Variants in MAGI2 observed in about 807,000 individuals in gnomAD.
MAGI2 encodes membrane-associated guanylate kinase, WW and PDZ domain-containing protein 2.
In MAGI2, 35 loss-of-function variants were observed where a neutral mutation model predicts 133.3. That is an observed-to-expected ratio of 0.26 (90% confidence interval 0.20 to 0.35). The LOEUF is 0.35. MAGI2 is among the 10% of genes least tolerant of loss of function. MAGI2 has a pLI of 1.00. For missense variants in MAGI2, 1,636 were observed against 1,863.4 expected (o/e 0.88, Z 2.25); for synonymous variants, 729 against 710.6 (o/e 1.03, Z -0.41).
At chr7:79,372,907 G>C (rs1843140937) in intron 1 of MAGI2, among the ~76,000 whole-genome samples, 1 of 151,884 alleles carries the variant, frequency 6.6e-6, no homozygotes, top group Non-Finnish European at 1.5e-5. Flanking sequence ...TCTGCTTTGG[G>C]GGAGTTCAGA....
chr7:79,312,719 C>T (rs1838383991), intron 1 of MAGI2, among the ~76,000 whole-genome samples: 1 of 152,088 alleles, frequency 6.6e-6, no homozygotes, highest in African/African-American at 2.4e-5. Flanking sequence ...AGTGTGCATA[C>T]AAAAAATAGT....
intron 6 of MAGI2, among the ~76,000 whole-genome samples, chr7:78,458,274 G>A (rs1478608067): frequency 7.9e-6 from 1 of 127,292 alleles, no homozygotes; most frequent in Non-Finnish European, 1.6e-5. Context: ...CCAGCCTGGA[G>A]ACAGGGCAAA....
chr7:78,701,991 A>G (rs896793637), intron 2 of MAGI2, among the ~76,000 whole-genome samples: 2 of 151,990 alleles, frequency 1.3e-5, no homozygotes, highest in Non-Finnish European at 2.9e-5. Flanking sequence ...ATGAATTCTC[A>G]TAATTCTAGA....
intron 3 of MAGI2, among the ~76,000 whole-genome samples, chr7:78,542,694 G>A (rs1168005200): frequency 4.6e-5 from 7 of 152,138 alleles, no homozygotes; most frequent in Non-Finnish European, 8.8e-5. Flanking sequence ...GAAACCTAAC[G>A]TGACTGAAGC....
chr7:78,646,883 T>C (rs1220207343), intron 2 of MAGI2, among the ~76,000 whole-genome samples: 1 of 152,206 alleles, frequency 6.6e-6, no homozygotes, highest in Non-Finnish European at 1.5e-5. Flanking sequence ...TTTCTTAGAA[T>C]CTTACACTCT....
intron 3 of MAGI2, among the ~76,000 whole-genome samples, chr7:78,548,900 T>C (rs1029797290): frequency 2.0e-5 from 3 of 152,216 alleles, no homozygotes; most frequent in Non-Finnish European, 4.4e-5. Context: ...AATTCACTTA[T>C]GGTTGAATTT....
intron 9 of MAGI2, among the ~76,000 whole-genome samples, chr7:78,312,119 C>T (rs138078651): frequency 5.9e-5 from 9 of 152,026 alleles, no homozygotes; most frequent in East Asian, 3.9e-4. Context: ...AATCTAAATA[C>T]GATTTTACAT....
At chr7:78,723,677 T>C (rs891035731) in intron 2 of MAGI2, among the ~76,000 whole-genome samples, 6 of 151,898 alleles carry the variant, frequency 4.0e-5, no homozygotes, top group African/African-American at 1.5e-4. Context: ...ATAAGAAAAT[T>C]AGAGAGTAAC....
At chr7:78,942,649 A>G (rs1801081995) in intron 2 of MAGI2, among the ~76,000 whole-genome samples, 1 of 152,108 alleles carries the variant, frequency 6.6e-6, no homozygotes, top group African/African-American at 2.4e-5. Context: ...TCTAGCAAAA[A>G]CTGGAAACTC....
chr7:79,166,645 G>T (rs1824947430), intron 1 of MAGI2, among the ~76,000 whole-genome samples: 1 of 152,040 alleles, frequency 6.6e-6, no homozygotes, highest in Admixed American at 6.6e-5. Flanking sequence ...ATTCCACAAT[G>T]TCTCCATTAA....
intron 3 of MAGI2, among the ~76,000 whole-genome samples, chr7:78,624,422 T>C (rs186279985): frequency 6.6e-6 from 1 of 152,182 alleles, no homozygotes; most frequent in African/African-American, 2.4e-5. Context: ...AAAGACTGGA[T>C]AAAGAAAATG....
chr7:78,455,611 A>G lies in MAGI2; in HGVS notation c.1045+34150T>C, dbSNP rs185664952. On this transcript the variant is annotated intron_variant, in intron 6 of 21. Transcript: ENST00000354212. ...ATTTTAATGAAAATAAAAATATATT[A>G]TGCAGAGCACATTACCTGGCCCACA... Among the ~76,000 whole-genome samples the G allele has an allele frequency of 1.8e-4, 28 of 152,290 alleles. No individual in the cohort carries two copies. The East Asian group carries it at 5.2e-3, about 28-fold the overall frequency.
Position 78,160,282 on chromosome 7 carries a change from T to C in MAGI2, c.2597-9A>G. ...CTCTGGGCAGGGCTCCCCTGCAAAA[T>C]ATACCACACACAGGTAATCAATTAC... On this transcript the variant is annotated splice_polypyrimidine_tract_variant and intron_variant, in intron 15 of 21. Coordinates refer to ENST00000354212, the MANE Select transcript of MAGI2 (RefSeq NM_012301.4). The C allele has an allele frequency of 6.4e-7, 1 of 1,570,938 alleles. No individual in the cohort carries two copies. The highest frequency in any genetic ancestry group is 2.3e-5 in the East Asian group (1 of 44,364).
At chr7:78,252,789 A>C (rs1016933209) in intron 10 of MAGI2, 1 of 152,114 alleles carries the variant, frequency 6.6e-6, no homozygotes, top group Non-Finnish European at 1.5e-5. Flanking sequence ...AAAATATAAA[A>C]AATTAGCCAG....
chr7:78,644,756 G>A (rs1810670180), intron 2 of MAGI2, among the ~76,000 whole-genome samples: 1 of 151,954 alleles, frequency 6.6e-6, no homozygotes, highest in Non-Finnish European at 1.5e-5. Flanking sequence ...TTAAACTCAA[G>A]TTAGGAAGAA....
intron 3 of MAGI2, among the ~76,000 whole-genome samples, chr7:78,568,941 C>T (rs1314773721): frequency 6.6e-6 from 1 of 152,104 alleles, no homozygotes; most frequent in Admixed American, 6.6e-5. Context: ...GACCGTTCTG[C>T]ACATGCTCTT....
chr7:78,813,552 G>A (rs993991506), intron 2 of MAGI2, among the ~76,000 whole-genome samples: 6 of 152,114 alleles, frequency 3.9e-5, no homozygotes, highest in East Asian at 3.9e-4. Flanking sequence ...TTGGGAGGCC[G>A]AGACGGGCGG....
At chr7:78,520,240 G>A (rs892630522) in intron 4 of MAGI2, among the ~76,000 whole-genome samples, 4 of 152,026 alleles carry the variant, frequency 2.6e-5, no homozygotes, top group East Asian at 1.9e-4. Flanking sequence ...TCGATTTTTG[G>A]TCTCCTTATG....
At chr7:78,061,294 T>C (rs1256166169) in intron 21 of MAGI2, among the ~76,000 whole-genome samples, 1 of 150,242 alleles carries the variant, frequency 6.7e-6, no homozygotes, top group African/African-American at 2.5e-5. Flanking sequence ...GGCAAACAAG[T>C]AAAGGCTGTC....
Sources: allele counts gnomAD v4.1 joint callset (sites outside exome capture counted in the v4.1 genomes callset), GRCh38; gene constraint gnomAD v4.1.1; transcripts MANE v1.5; gene names NCBI Gene and HGNC (gene_info 2026-07-23, HGNC 2026-07-21).